Variants in ARHGAP32 observed in about 807,000 individuals in gnomAD.
ARHGAP32 encodes the protein rho GTPase-activating protein 32.
Under a neutral mutation model 186.5 loss-of-function variants are expected in ARHGAP32, and 51 were observed. The ratio of observed to expected loss-of-function variants is 0.27; its 90% confidence interval spans 0.22 to 0.35. ARHGAP32 has a LOEUF of 0.35. ARHGAP32 is among the 10% of genes least tolerant of loss of function. ARHGAP32 has a pLI of 1.00. For missense variants in ARHGAP32, 2,186 were observed against 2,623.5 expected (o/e 0.83, Z 3.64); for synonymous variants, 950 against 964.3 (o/e 0.99, Z 0.27).
At chr11:129,183,952 A>G (rs1432258389) in intron 1 of ARHGAP32, among the ~76,000 whole-genome samples, 2 of 152,164 alleles carry the variant, frequency 1.3e-5, no homozygotes, top group African/African-American at 4.8e-5. Context: ...ATAGGAAAAA[A>G]TAAATCCTTA....
intron 18 of ARHGAP32, 23 bp downstream of exon 18, chr11:128,980,530 A>C (rs1945677748): frequency 6.3e-7 from 1 of 1,575,638 alleles, no homozygotes; most frequent in Non-Finnish European, 8.6e-7. Context: ...TCATATCCCA[A>C]AATAGGATTT....
intron 1 of ARHGAP32, among the ~76,000 whole-genome samples, chr11:129,183,304 T>G (rs1268308882): frequency 6.6e-6 from 1 of 152,130 alleles, no homozygotes; most frequent in Non-Finnish European, 1.5e-5. Flanking sequence ...TTTTTCTTTT[T>G]CCTACAAAGT....
intron 12 of ARHGAP32, among the ~76,000 whole-genome samples, chr11:128,992,177 T>A (rs1946075511): frequency 6.6e-6 from 1 of 152,130 alleles, no homozygotes; most frequent in South Asian, 2.1e-4. Context: ...CATTTAAAGT[T>A]TTGTGCATAT....
At chr11:129,019,522 A>G (rs10790982) in intron 11 of ARHGAP32, among the ~76,000 whole-genome samples, 36,067 of 152,062 alleles carry the variant, frequency 0.24, 4,451 homozygotes, top group African/African-American at 0.28. Context: ...ATCTCCCATC[A>G]CATTCTGTGT....
At chr11:129,105,303 G>A (rs560087991) in intron 5 of ARHGAP32, among the ~76,000 whole-genome samples, 1 of 152,228 alleles carries the variant, frequency 6.6e-6, no homozygotes, top group South Asian at 2.1e-4. Context: ...CACAGGGTAG[G>A]ACACATACTC....
intron 5 of ARHGAP32, among the ~76,000 whole-genome samples, chr11:129,106,628 A>G (rs1164308951): frequency 2.0e-5 from 3 of 152,168 alleles, no homozygotes; most frequent in African/African-American, 7.2e-5. Context: ...AACATCACAC[A>G]ATATACCCAG....
intron 2 of ARHGAP32, among the ~76,000 whole-genome samples, chr11:129,157,912 G>A (rs969596758): frequency 2.0e-5 from 3 of 152,144 alleles, no homozygotes; most frequent in Non-Finnish European, 4.4e-5. Context: ...GAAGAGAGTA[G>A]GGGGCCAATA....
At chr11:129,069,169 A>G (rs763678449) in intron 6 of ARHGAP32, among the ~76,000 whole-genome samples, 1 of 152,108 alleles carries the variant, frequency 6.6e-6, no homozygotes, top group African/African-American at 2.4e-5. Context: ...TACCACACCC[A>G]GCCATTTTCC....
At chr11:129,052,257 C>T (rs1272397581) in intron 10 of ARHGAP32, among the ~76,000 whole-genome samples, 1 of 152,184 alleles carries the variant, frequency 6.6e-6, no homozygotes, top group Non-Finnish European at 1.5e-5. Flanking sequence ...TTCTTTCCCA[C>T]TGATCTACTT....
Position 128,990,121 on chromosome 11 carries a change from T to G in ARHGAP32, c.1196-1996A>C, listed in dbSNP as rs1048048898. Among the ~76,000 whole-genome samples the G allele has an allele frequency of 2.6e-4, 40 of 152,242 alleles. 1 individual carries two copies. Among genetic ancestry groups the G allele is most frequent in the Non-Finnish European group, 1.6e-4 (11 of 68,024 alleles). On this transcript the variant is annotated intron_variant, in intron 12 of 22. Transcript: ENST00000682385. ...TGCTATGACTTCTTCACAAAACAAT[T>G]TCCTCTAGCTGGACTCTCTCCCATA...
rs1252619263 is a variant in ARHGAP32 at position 129,123,794 on chromosome 11, AAAACTGCT to A, written c.359+86_359+93del. The A allele has an allele frequency of 4.6e-5, 50 of 1,089,790 alleles. No individual in the cohort carries two copies. The highest frequency in any genetic ancestry group is 5.8e-5 in the Non-Finnish European group (47 of 805,168). 67.5% of individuals were successfully genotyped at this position (1,089,790 alleles called of 1,614,324 possible). A position where few individuals can be genotyped will look rare whatever the true frequency, so the allele number is the denominator to read the frequency against. ...TTTGACCCGAATCAATGTCCATAGA[AAAACTGCT>A]ATTTTCGGCAAATGTTATGGAAACT... On this transcript the variant is annotated intron_variant, in intron 4 of 22. Transcript: ENST00000682385. The surrounding 1 kb of genome is among the most constrained non-coding windows in gnomAD (Gnocchi z 4.6).
intron 1 of ARHGAP32, among the ~76,000 whole-genome samples, chr11:129,251,037 A>G (rs889820755): frequency 6.6e-6 from 1 of 152,246 alleles, no homozygotes; most frequent in Non-Finnish European, 1.5e-5. Context: ...TCAAGAAAAT[A>G]TCTAAGAATT....
chr11:129,066,685 C>G, intron 7 of ARHGAP32, 46 bp downstream of exon 7: 1 of 1,547,182 alleles, frequency 6.5e-7, no homozygotes, highest in Non-Finnish European at 8.7e-7. Context: ...CTTCTGCAAA[C>G]TCATATATAG....
chr11:129,144,802 CA>C (rs1943134827), intron 2 of ARHGAP32, among the ~76,000 whole-genome samples: 1 of 152,268 alleles, frequency 6.6e-6, no homozygotes, highest in East Asian at 1.9e-4. Context: ...AGCTCTTCTG[CA>C]GCAAGGGTGT....
At position 129,250,848 on chromosome 11, in the gene ARHGAP32, TA is replaced by T. The variant is rs1182778182; in HGVS notation, c.-5+28297del. Among the ~76,000 whole-genome samples the T allele has an allele frequency of 1.0e-3, 158 of 152,282 alleles. 1 individual carries two copies. The highest frequency in any genetic ancestry group is 3.5e-3 in the African/African-American group (144 of 41,558). ...AAAGAAAAGCAAGAAGGAAGAAAAT[TA>T]ACTAGCTTACATATGTCATACCTCA... On this transcript the variant is annotated intron_variant, in intron 1 of 6. Transcript: ENST00000525234.
chr11:129,186,909 T>C (rs953931893), intron 1 of ARHGAP32, among the ~76,000 whole-genome samples: 2 of 152,142 alleles, frequency 1.3e-5, no homozygotes, highest in African/African-American at 4.8e-5. Flanking sequence ...TCACACATTG[T>C]TGGCAGGAAT....
Position 128,972,715 on chromosome 11 carries a change from C to G in ARHGAP32, c.3791G>C (p.Gly1264Ala). 1.2e-6 allele frequency: 2 copies of G among 1,613,704 alleles called. No individual in the cohort carries two copies. Among genetic ancestry groups the G allele is most frequent in the Non-Finnish European group, 1.7e-6 (2 of 1,179,972 alleles). ...TGTGCTGGTATTCTCTTCGGGGGACCCAGAAGGAGGGTAGATTTTATCGCT... is the reference window on the plus strand; with the variant it reads ...TGTGCTGGTATTCTCTTCGGGGGACGCAGAAGGAGGGTAGATTTTATCGCT... The part of the protein sequence containing the change: ...LPSDKIYPPS[G>A]SPEENTSTAT... Residue 1264 changes from glycine to alanine, a missense_variant, in exon 22 of 23, where the codon GGG becomes GCG. Physicochemically the swap from Gly to Ala is moderately conservative, Grantham distance 60. Coordinates refer to ENST00000682385, the MANE Select transcript of ARHGAP32 (RefSeq NM_001378024.1).
At chr11:129,134,755 T>C (rs1285388823) in intron 2 of ARHGAP32, among the ~76,000 whole-genome samples, 2 of 152,182 alleles carry the variant, frequency 1.3e-5, no homozygotes, top group Admixed American at 1.3e-4. Context: ...TACATCATGA[T>C]GGCTCTGCCC....
At chr11:129,137,627 T>C (rs1942964143) in intron 2 of ARHGAP32, among the ~76,000 whole-genome samples, 1 of 151,966 alleles carries the variant, frequency 6.6e-6, no homozygotes, top group African/African-American at 2.4e-5. Context: ...AGCAAACAAA[T>C]AGTTGTTAAT....
Sources: allele counts gnomAD v4.1 joint callset (sites outside exome capture counted in the v4.1 genomes callset), GRCh38; gene constraint gnomAD v4.1.1; non-coding constraint Gnocchi (gnomAD v3.1); transcripts MANE v1.5; gene names NCBI Gene and HGNC (gene_info 2026-07-23, HGNC 2026-07-21).